The following ABCB4 variants were observed in gnomAD, a reference collection of about 807,000 sequenced individuals.
The protein encoded by ABCB4 is ATP binding cassette subfamily B member 4.
Under a neutral mutation model 145.7 loss-of-function variants are expected in ABCB4, and 76 were observed. The ratio of observed to expected loss-of-function variants is 0.52; its 90% CI spans 0.43 to 0.63. ABCB4 has a LOEUF of 0.63. Among genes scored for constraint, ABCB4 ranks in the 30% least tolerant of loss-of-function variants. The pLI, the probability that ABCB4 is intolerant of heterozygous loss-of-function variation, is 0.00. For synonymous variants in ABCB4, 517 were observed against 566.8 expected (o/e 0.91, Z 1.25); for missense variants, 1,234 against 1,553.1 (o/e 0.79, Z 3.45).
chr7:87,404,997 T>C (rs780749861), intron 26 of ABCB4, among the ~76,000 whole-genome samples: 5 of 152,218 alleles, frequency 3.3e-5, no homozygotes, highest in Non-Finnish European at 7.3e-5. Flanking sequence ...GCCATACTGC[T>C]CCACAATTCT....
the ABCB4 span, among the ~76,000 whole-genome samples, chr7:87,390,792 C>G: frequency 6.6e-6 from 1 of 152,188 alleles, no homozygotes; most frequent in Admixed American, 6.5e-5. Context: ...CTCTGTATTA[C>G]CTATTTCTGT....
intron 6 of ABCB4, 126 bp from the exon 7 acceptor site, chr7:87,451,920 A>G (rs1811760788): frequency 1.2e-6 from 1 of 854,908 alleles, no homozygotes; most frequent in African/African-American, 1.7e-5. Context: ...TCAGAGTCTT[A>G]GCCTCTTGAA....
the ABCB4 span, chr7:87,375,832 G>A: frequency 1.2e-5 from 20 of 1,613,392 alleles, no homozygotes; most frequent in African/African-American, 5.3e-5. Context: ...CTTTAGGCAC[G>A]AGAATATCTG....
chr7:87,427,001 C>T (rs1809880270), intron 15 of ABCB4, 81 bp from the exon 16 acceptor site: 1 of 1,308,118 alleles, frequency 7.6e-7, no homozygotes, highest in East Asian at 2.4e-5. Context: ...ATGTAACCTC[C>T]AAGTTTAGAA....
intron 15 of ABCB4, among the ~76,000 whole-genome samples, chr7:87,427,255 G>A (rs564112420): frequency 6.6e-6 from 1 of 151,546 alleles, no homozygotes; most frequent in African/African-American, 2.4e-5. Flanking sequence ...ACCAAGAAAG[G>A]GAAGAAGACT....
chr7:87,461,403 T>C (rs1584780663), intron 4 of ABCB4, among the ~76,000 whole-genome samples: 1 of 152,234 alleles, frequency 6.6e-6, no homozygotes, highest in Non-Finnish European at 1.5e-5. Context: ...CTATATATGA[T>C]AATAAGCATG....
chr7:87,418,638 C>T lies in ABCB4; in HGVS notation c.2395-18G>A, dbSNP rs372471113. 3.2e-5 allele frequency: 52 copies of T among 1,605,404 alleles called. No homozygotes were observed. The Middle Eastern group carries it at 1.2e-3, about 36-fold the overall frequency. On this transcript the variant is annotated intron_variant, in intron 19 of 27. Transcript: ENST00000649586. ...CTCATGTCCTATGGCATAAAATACA[C>T]GTTTATGTTAGTTCAAAATTAAAAC...
At chr7:87,396,071 T>C in the ABCB4 span, among the ~76,000 whole-genome samples, 1 of 152,108 alleles carries the variant, frequency 6.6e-6, no homozygotes, top group Non-Finnish European at 1.5e-5. Flanking sequence ...ACAGAGCCAG[T>C]CTAGGAAATC....
intron 15 of ABCB4, among the ~76,000 whole-genome samples, chr7:87,430,042 A>G (rs868854067): frequency 6.6e-6 from 1 of 152,170 alleles, no homozygotes; most frequent in South Asian, 2.1e-4. Context: ...CTAAACTTAT[A>G]GCAACCTCTC....
chr7:87,406,540 A>G, intron 25 of ABCB4, 46 bp from the exon 26 acceptor site: 1 of 1,603,198 alleles, frequency 6.2e-7, no homozygotes. Context: ...TAAAAAAGAA[A>G]AAAAAACTAA....
At chr7:87,378,208 G>A in the ABCB4 span, among the ~76,000 whole-genome samples, 3 of 151,984 alleles carry the variant, frequency 2.0e-5, no homozygotes, top group African/African-American at 7.3e-5. Context: ...GCCTCACATG[G>A]TGTTGTGCGC....
chr7:87,368,318 G>T, the ABCB4 span, among the ~76,000 whole-genome samples: 30 of 152,104 alleles, frequency 2.0e-4, 1 homozygote, highest in Non-Finnish European at 4.1e-4. Flanking sequence ...TTGGCATCAG[G>T]TTTATTTTCT....
chr7:87,467,672 G>C (rs1475878462), intron 3 of ABCB4, among the ~76,000 whole-genome samples: 1 of 152,156 alleles, frequency 6.6e-6, no homozygotes. Flanking sequence ...AAATGTAAAA[G>C]AACAGAAATT....
chr7:87,385,523 T>A, the ABCB4 span, among the ~76,000 whole-genome samples: 1 of 152,222 alleles, frequency 6.6e-6, no homozygotes. Context: ...ATGCTACTGA[T>A]TTTAATATGT....
At chr7:87,443,517 G>T in intron 11 of ABCB4, 73 bp from the exon 12 acceptor site, 1 of 1,595,334 alleles carries the variant, frequency 6.3e-7, no homozygotes, top group South Asian at 1.1e-5. Flanking sequence ...GATTCAGTTT[G>T]AAATTTGAAA....
At chr7:87,443,228 T>C (rs1584746927) in intron 12 of ABCB4, 91 bp downstream of exon 12, 2 of 1,545,718 alleles carry the variant, frequency 1.3e-6, no homozygotes, top group Middle Eastern at 2.3e-4. Flanking sequence ...AAAACTGGAT[T>C]CACACGCAAA....
chr7:87,375,972 T>TC, the ABCB4 span: 7 of 1,091,112 alleles, frequency 6.4e-6, no homozygotes, highest in South Asian at 3.6e-5. Context: ...CTACCTTCTC[T>TC]TTTTTTTTTT....
the ABCB4 span, chr7:87,381,828 G>A: frequency 1.1e-6 from 1 of 899,384 alleles, no homozygotes; most frequent in South Asian, 1.7e-5. Context: ...TGTTAAGAAT[G>A]GACACAAAGT....
intron 4 of ABCB4, among the ~76,000 whole-genome samples, chr7:87,458,562 C>G (rs1337682615): frequency 6.6e-6 from 1 of 152,156 alleles, no homozygotes; most frequent in Non-Finnish European, 1.5e-5. Flanking sequence ...TCTATCTGTT[C>G]CCAACCCCCA....
Sources: gnomAD v4.1 joint callset for allele counts (sites outside exome capture counted in the v4.1 genomes callset) on GRCh38, gnomAD v4.1.1 for gene constraint, MANE v1.5 for transcripts, NCBI Gene and HGNC (gene_info 2026-07-23, HGNC 2026-07-21) for gene names.